P2RX5: variants seen among roughly 807,000 people sequenced by gnomAD.
P2RX5 encodes P2X purinoceptor 5.
P2RX5 carries 46 observed loss-of-function variants against 54.1 expected under a neutral mutation model. The observed-to-expected ratio is 0.85, with a 90% CI of 0.67 to 1.09. The LOEUF (loss-of-function observed/expected upper bound fraction) is 1.09, where lower values mean the gene tolerates loss of function less well. Among genes scored for constraint, P2RX5 ranks in the 50% least tolerant of loss-of-function variants. The pLI, the probability that P2RX5 is intolerant of heterozygous loss-of-function variation, is 0.00. For synonymous variants in P2RX5, 226 were observed against 226.4 expected, an observed-to-expected ratio of 1.00 and a Z score of 0.02; for missense variants, 566 against 549.8, an observed-to-expected ratio of 1.03 and a Z score of -0.29.
chr17:3,708,887 AAC>A, the P2RX5 span, among the ~76,000 whole-genome samples: 1 of 152,110 alleles, frequency 6.6e-6, no homozygotes, highest in Non-Finnish European at 1.5e-5. Context: ...CAAAAAAAAA[AAC>A]CTTTGTACTT....
At chr17:3,709,814 C>T in the P2RX5 span, among the ~76,000 whole-genome samples, 2 of 152,132 alleles carry the variant, frequency 1.3e-5, no homozygotes, top group African/African-American at 4.8e-5. Context: ...GGGGCTGAGG[C>T]AGGAGAATCG....
At position 3,673,954 on chromosome 17, in the gene P2RX5, G is replaced by A. The variant is rs940990128; in HGVS notation, c.1260-77C>T. The A allele has an allele frequency of 3.1e-6, 4 of 1,295,626 alleles. No homozygotes were observed. In the African/African-American group the frequency reaches 5.9e-5, roughly 19 times the overall value. 80.3% of individuals were successfully genotyped at this position (1,295,626 alleles called of 1,614,324 possible). A position where few individuals can be genotyped will look rare whatever the true frequency, so the allele number is the denominator to read the frequency against. On this transcript the variant is annotated intron_variant, in intron 11 of 11. Coordinates refer to ENST00000225328, the MANE Select transcript of P2RX5 (RefSeq NM_002561.4). ...CCCAGTGAGGCAACCAGTGCCCAGG[G>A]AGAAGGGCCTTCCCAAGTCTGAAAA...
chr17:3,689,005 G>A (rs1421198751), intron 7 of P2RX5, among the ~76,000 whole-genome samples: 3 of 152,212 alleles, frequency 2.0e-5, no homozygotes, highest in African/African-American at 7.2e-5. Context: ...AGGCCTCTCT[G>A]GACAGGCACT....
In P2RX5 at chr17:3,690,508, C is replaced by T. The variant is rs777892803; in HGVS notation, c.452G>A (p.Arg151His). The T allele has an allele frequency of 1.6e-5, 26 of 1,613,346 alleles. No individual in the cohort carries two copies. The highest frequency in any genetic ancestry group is 5.3e-5 in the African/African-American group (4 of 74,940). ...GGCCAAGTTCTCTCTCCGCAGGCAGCGGCCGGTCTTCACTCCTGCAGGGGT... is the reference window on the plus strand; with the variant it reads ...GGCCAAGTTCTCTCTCCGCAGGCAGTGGCCGGTCTTCACTCCTGCAGGGGT... ...VTAGNGVKTG[R>H]CLRRENLARG... The change falls in exon 5 of 12, where the codon CGC becomes CAC. Residue 151 changes from arginine (R) to histidine (H), a missense_variant. Coordinates refer to ENST00000225328, the MANE Select transcript of P2RX5 (RefSeq NM_002561.4).
intron 11 of P2RX5, chr17:3,675,372 T>C (rs2050079529): frequency 1.0e-6 from 1 of 985,004 alleles, no homozygotes; most frequent in South Asian, 4.7e-5. Flanking sequence ...ATGAAACAAA[T>C]AGTATGACTA....
At chr17:3,713,938 A>AT in the P2RX5 span, among the ~76,000 whole-genome samples, 79,349 of 150,420 alleles carry the variant, frequency 0.53, 21,746 homozygotes, top group African/African-American at 0.64. Flanking sequence ...ACAATCGATA[A>AT]TTTTTTTTTG....
At chr17:3,695,718 GAGGACCCCCACAGCA>G in intron 1 of P2RX5, 136 bp downstream of exon 1, 1 of 871,740 alleles carries the variant, frequency 1.1e-6, no homozygotes, top group Non-Finnish European at 1.9e-6. Context: ...AGGACCCAAA[GAGGACCCCCACAGCA>G]AGCAGGCTCA....
intron 11 of P2RX5, chr17:3,676,721 T>A (rs1012874453): frequency 9.5e-6 from 2 of 209,544 alleles, no homozygotes; most frequent in Non-Finnish European, 1.7e-5. Context: ...GCGGGGGAGC[T>A]GGGACCTGCA....
the P2RX5 span, among the ~76,000 whole-genome samples, chr17:3,720,134 C>T: frequency 1.3e-5 from 2 of 152,112 alleles, no homozygotes; most frequent in African/African-American, 4.8e-5. Flanking sequence ...TCTTAATTGC[C>T]TTATTTCATA....
Position 3,691,135 on chromosome 17 carries a change from A to G in P2RX5, c.289-108T>C, listed in dbSNP as rs570182229. On this transcript the variant is annotated intron_variant, in intron 2 of 11. Coordinates refer to ENST00000225328, the MANE Select transcript of P2RX5 (RefSeq NM_002561.4). ...CGGTCCCTCTGCCTGGGTTTTGGGG[A>G]TAATGGGGCCACAAACTTGGTATAC... is the stretch of plus-strand genomic sequence containing the variant. The G allele has an allele frequency of 1.7e-4, 134 of 799,158 alleles. No homozygotes were observed. In the African/African-American group the frequency reaches 1.7e-3, roughly 10 times the overall value. The allele number at this position is 799,158 out of a possible 1,614,324, so 49.5% of individuals were successfully genotyped here.
At chr17:3,718,000 ATCT>A in the P2RX5 span, 1 of 152,212 alleles carries the variant, frequency 6.6e-6, no homozygotes, top group African/African-American at 2.4e-5. Context: ...ACCTCCCTTT[ATCT>A]TCTTCTAAAC....
Position 3,690,941 on chromosome 17 carries a change from C to T in P2RX5, c.360+15G>A. 2 of 1,610,348 alleles carry T rather than the reference C, an allele frequency of 1.2e-6. No individual in the cohort carries two copies. Among genetic ancestry groups the T allele is most frequent in the East Asian group, 2.2e-5 (1 of 44,792 alleles). ...CTCTCCCACCCCCACGCCAGGGCCC[C>T]TCGCCAAATCAAACCTCAGCACAGA... On this transcript the variant is annotated intron_variant, in intron 3 of 11. Coordinates refer to ENST00000225328, the MANE Select transcript of P2RX5 (RefSeq NM_002561.4).
intron 11 of P2RX5, chr17:3,677,110 G>C: frequency 1.0e-6 from 1 of 985,390 alleles, no homozygotes; most frequent in Non-Finnish European, 1.2e-6. Flanking sequence ...TGGAGGCAGA[G>C]AGCAGCTGAG....
rs2050500390 is a variant in P2RX5 at position 3,688,090 on chromosome 17, G to T, written c.903C>A (p.Tyr301Ter). ...GGAACTCCACCCCGGCTGCGTCTCG[G>T]TAATATCTGGCAAATCTGAGGGAGA... The part of the protein sequence containing the change: ...SGYNFRFARY[Y>*]RDAAGVEFRT... Residue 301 changes from tyrosine to a stop codon, truncating the protein, a stop_gained, in exon 9 of 12, where the codon TAC becomes TAA. Coordinates refer to ENST00000225328, the MANE Select transcript of P2RX5 (RefSeq NM_002561.4). LOFTEE classifies it high-confidence loss of function. 1.2e-6 allele frequency: 2 copies of T among 1,600,544 alleles called. No individual in the cohort carries two copies. The highest frequency in any genetic ancestry group is 1.7e-5 in the Admixed American group (1 of 59,352).
the P2RX5 span, among the ~76,000 whole-genome samples, chr17:3,702,324 C>T: frequency 3.6e-3 from 528 of 146,844 alleles, 4 homozygotes; most frequent in Middle Eastern, 0.024. Context: ...AGATTGTAAA[C>T]GCACCAACCA....
the P2RX5 span, among the ~76,000 whole-genome samples, chr17:3,707,706 C>A: frequency 6.6e-6 from 1 of 152,022 alleles, no homozygotes. Flanking sequence ...CACCTTCAGT[C>A]CCCCTGACTA....
the P2RX5 span, chr17:3,723,809 C>G: frequency 4.4e-6 from 7 of 1,581,594 alleles, no homozygotes; most frequent in East Asian, 1.3e-4. Flanking sequence ...CGTCCCGTCC[C>G]GGCCCCGGCC....
chr17:3,704,761 C>T, the P2RX5 span, among the ~76,000 whole-genome samples: 278 of 152,314 alleles, frequency 1.8e-3, 4 homozygotes, highest in Non-Finnish European at 7.3e-5. Flanking sequence ...AATCCCGGCA[C>T]TTTGGAAGGC....
At position 3,687,923 on chromosome 17, in the gene P2RX5, A is replaced by G. The variant is rs170215; in HGVS notation, c.981+89T>C. ...CCGCCCAGCCTCAGAACAGGAGAAC[A>G]CACAGCTGGGCCCCCAGGGACCCTC... On this transcript the variant is annotated intron_variant, in intron 9 of 11. Coordinates refer to ENST00000225328, the MANE Select transcript of P2RX5 (RefSeq NM_002561.4). 235 of 137,368 alleles carry G rather than the reference A, an allele frequency of 1.7e-3. 14 individuals are homozygous for G. The highest frequency in any genetic ancestry group is 5.3e-3 in the Middle Eastern group (2 of 380). The allele number at this position is 137,368 out of a possible 1,614,324, so 8.5% of individuals were successfully genotyped here. A position where few individuals can be genotyped will look rare whatever the true frequency, so the allele number is the denominator to read the frequency against.
Sources: allele counts gnomAD v4.1 joint callset (sites outside exome capture counted in the v4.1 genomes callset), GRCh38; gene constraint gnomAD v4.1.1; transcripts MANE v1.5; gene names NCBI Gene and HGNC (gene_info 2026-07-23, HGNC 2026-07-21).